SBSN: variants seen among roughly 807,000 people sequenced by gnomAD.
SBSN encodes the protein HLAR698.
Under a neutral mutation model 42.8 loss-of-function variants are expected in SBSN, and 33 were observed. The ratio of observed to expected loss-of-function variants is 0.77; its 90% CI spans 0.58 to 1.03. The LOEUF (loss-of-function observed/expected upper bound fraction) is 1.03, where lower values mean the gene tolerates loss of function less well. Among genes scored for constraint, SBSN ranks in the 50% least tolerant of loss-of-function variants. The probability of loss-of-function intolerance (pLI) is 0.00; values close to 1 mark genes in which losing one functional copy is unlikely to be tolerated. For synonymous variants in SBSN, 276 were observed against 307.0 expected (o/e 0.90, Z 1.06); for missense variants, 646 against 757.3 (o/e 0.85, Z 1.72).
In SBSN at chr19:35,523,397, T is replaced by C. The variant is rs1013070673; in HGVS notation, c.*113A>G. The C allele has an allele frequency of 2.2e-5, 23 of 1,046,038 alleles. No homozygotes were observed. Among genetic ancestry groups the C allele is most frequent in the Non-Finnish European group, 3.3e-5 (22 of 669,820 alleles). The allele number at this position is 1,046,038 out of a possible 1,614,324, so 64.8% of individuals were successfully genotyped here. A position where few individuals can be genotyped will look rare whatever the true frequency, so the allele number is the denominator to read the frequency against. ...TATCAAGTTTATTCACAAATCCCAG[T>C]ACAACCCCCTTCAGGGATTTCAGAA... On this transcript the variant is annotated 3_prime_UTR_variant, in exon 4 of 4. Transcript: ENST00000452271.
intron 1 of SBSN, among the ~76,000 whole-genome samples, chr19:35,525,481 G>C (rs573814990): frequency 1.6e-5 from 2 of 122,248 alleles, no homozygotes; most frequent in Non-Finnish European, 3.1e-5. Flanking sequence ...CCCTGGCTCT[G>C]TCTGGCGGCA....
chr19:35,526,641 T>G lies in SBSN; in HGVS notation c.1638+3A>C, dbSNP rs377199459. 1.2e-6 allele frequency: 1 copy of G among 869,462 alleles called. No individual in the cohort carries two copies. Among genetic ancestry groups the G allele is most frequent in the African/African-American group, 2.3e-5 (1 of 44,318 alleles). 53.9% of individuals were successfully genotyped at this position (869,462 alleles called of 1,614,324 possible). On this transcript the variant is annotated splice_donor_region_variant and intron_variant, in intron 1 of 3. Coordinates refer to ENST00000452271, the MANE Select transcript of SBSN (RefSeq NM_001166034.2). Reference sequence around the variant, plus strand: ...CCCCATCTCCCCATCCCTGTTCACCTACATTCAGCAGCTGGTTGGCCTCCT... The same window carrying G: ...CCCCATCTCCCCATCCCTGTTCACCGACATTCAGCAGCTGGTTGGCCTCCT...
rs200914471 is a variant in SBSN, at chr19:35,526,808, C to T, written c.1474G>A (p.Glu492Lys). Reference protein sequence around the residue: ...TGVHQAGKEAEKLGQGVNHAA... With the variant: ...TGVHQAGKEAKKLGQGVNHAA... ...TGGTTGACCCCTTGGCCAAGTTTCTCTGCTTCCTTCCCAGCCTGGTGGACC... is the reference window on the plus strand; with the variant it reads ...TGGTTGACCCCTTGGCCAAGTTTCTTTGCTTCCTTCCCAGCCTGGTGGACC... The change falls in exon 1 of 4, where the codon GAG (glutamate) becomes AAG (lysine). Residue 492 changes from glutamate to lysine, a missense_variant. Glu to Lys is a moderately conservative substitution (Grantham distance 56). This residue lies in a region of SBSN where 236 missense variants were observed against 225.6 expected (regional missense o/e 1.05). Coordinates refer to ENST00000452271, the MANE Select transcript of SBSN (RefSeq NM_001166034.2). 505 of 1,613,936 alleles carry T rather than the reference C, an allele frequency of 3.1e-4. 2 individuals are homozygous for T. Among genetic ancestry groups the T allele is most frequent in the South Asian group, 3.6e-4 (33 of 91,068 alleles).
intron 3 of SBSN, among the ~76,000 whole-genome samples, chr19:35,524,285 A>G (rs1006841229): frequency 6.6e-6 from 1 of 152,182 alleles, no homozygotes; most frequent in Admixed American, 6.5e-5. Flanking sequence ...CACCAGGGAG[A>G]GGACAAAGAC....
At chr19:35,524,016 C>A (rs1006357257) in intron 3 of SBSN, among the ~76,000 whole-genome samples, 2 of 152,196 alleles carry the variant, frequency 1.3e-5, no homozygotes, top group African/African-American at 4.8e-5. Flanking sequence ...CCTGTCTCTA[C>A]TAAAAATACA....
At chr19:35,526,619 C>CCA in intron 1 of SBSN, 25 bp downstream of exon 1, 1 of 1,520,180 alleles carries the variant, frequency 6.6e-7, no homozygotes, top group Non-Finnish European at 9.0e-7. Flanking sequence ...CCCTGTCCCC[C>CCA]ATCTCCCCAT....
In SBSN at chr19:35,523,530, C is replaced by T. The variant is rs116911531; in HGVS notation, c.1753G>A (p.Val585Ile). The T allele has an allele frequency of 1.7e-5, 27 of 1,614,104 alleles. No individual in the cohort carries two copies. The highest frequency in any genetic ancestry group is 1.3e-4 in the East Asian group (6 of 44,886). ...FINLPALWRS[V>I]ANIMP ...CCAGTTTAGGGCATGATGTTGGCGA[C>T]GCTCTGGAAGAGAGAAGGAGAGCAG... Residue 585 changes from valine (V) to isoleucine (I), a missense_variant, in exon 4 of 4, where the codon GTC (valine) becomes ATC (isoleucine). Val to Ile is a conservative substitution (Grantham distance 29). This residue lies in a region of SBSN where 236 missense variants were observed against 225.6 expected (regional missense o/e 1.05). Transcript: ENST00000452271.
At chr19:35,526,607 C>A (rs766723114) in intron 1 of SBSN, 37 bp downstream of exon 1, 6 of 1,139,994 alleles carry the variant, frequency 5.3e-6, no homozygotes, top group African/African-American at 1.5e-5. Flanking sequence ...CTCCCCCAAC[C>A]CCCCTGTCCC....
At chr19:35,526,538 A>G in intron 1 of SBSN, 106 bp downstream of exon 1, 1 of 1,075,130 alleles carries the variant, frequency 9.3e-7, no homozygotes, top group South Asian at 1.6e-5. Context: ...TTCTTTCACC[A>G]AACAAAGGCT....
rs766357053 is a variant in SBSN, at chr19:35,528,006, GTGGTTGAGCCCC to G, written c.264_275del (p.Gln88_Asn91del). On this transcript the variant is annotated inframe_deletion, in exon 1 of 4. Transcript: ENST00000452271. ...TCTCATGGGCAACCTTGTCCATGCC[GTGGTTGAGCCCC>G]TGGACGCCTTTGTCCAACTCCTTGC... 8 of 1,613,616 alleles carry G rather than the reference GTGGTTGAGCCCC, an allele frequency of 5.0e-6. No homozygotes were observed. The highest frequency in any genetic ancestry group is 1.7e-5 in the Admixed American group (1 of 59,976).
At chr19:35,526,607 CCCCCTGTCCCCCATCT>C in intron 1 of SBSN, 21 bp downstream of exon 1, 1 of 1,140,100 alleles carries the variant, frequency 8.8e-7, no homozygotes, top group Non-Finnish European at 1.2e-6. Flanking sequence ...CTCCCCCAAC[CCCCCTGTCCCCCATCT>C]CCCCATCCCT....
Position 35,527,123 on chromosome 19 carries a change from C to A in SBSN, c.1159G>T (p.Gly387Cys). Reference sequence around the variant, plus strand: ...GAGGCAGCATGGTGGACACCCTGGCCAAACTTCTCTGCTTCCTTCCAGGCC... The same window carrying A: ...GAGGCAGCATGGTGGACACCCTGGCAAAACTTCTCTGCTTCCTTCCAGGCC... The part of the protein sequence containing the change: ...NEAWKEAEKF[G>C]QGVHHAASQV... Residue 387 changes from glycine to cysteine, a missense_variant, in exon 1 of 4, where the codon GGC becomes TGC. This residue lies in a region of SBSN where 220 missense variants were observed against 334.5 expected (regional missense o/e 0.66). Transcript: ENST00000452271. The A allele has an allele frequency of 6.5e-7, 1 of 1,536,924 alleles. No individual in the cohort carries two copies. Among genetic ancestry groups the A allele is most frequent in the South Asian group, 1.2e-5 (1 of 83,944 alleles).
In SBSN at chr19:35,527,927, C is replaced by G; in HGVS notation, c.355G>C (p.Val119Leu). The G allele has an allele frequency of 6.2e-7, 1 of 1,614,138 alleles. No homozygotes were observed. The highest frequency in any genetic ancestry group is 8.5e-7 in the Non-Finnish European group (1 of 1,180,032). The stretch of plus-strand genomic sequence containing the variant: ...CCAACCTGTCCAGCAGCGTTGTTGA[C>G]CCCATGGCCAAGCTTCTCTGCTTCC... ...GKEAEKLGHG[V>L]NNAAGQVGKE... Residue 119 changes from valine (V) to leucine (L), a missense_variant, in exon 1 of 4, where the codon GTC (valine) becomes CTC (leucine). This residue lies in a region of SBSN where 190 missense variants were observed against 197.1 expected (regional missense o/e 0.96). Transcript: ENST00000452271.
chr19:35,524,655 G>A, intron 3 of SBSN, 56 bp downstream of exon 3: 1 of 1,589,078 alleles, frequency 6.3e-7, no homozygotes. Context: ...GAAGGGGTCG[G>A]GGTGAGCGTA....
chr19:35,524,648 G>A, intron 3 of SBSN, 63 bp downstream of exon 3: 1 of 1,573,358 alleles, frequency 6.4e-7, no homozygotes, highest in Non-Finnish European at 8.7e-7. Flanking sequence ...ACACCGGGAA[G>A]GGGTCGGGGT....
At chr19:35,523,632 G>A in intron 3 of SBSN, 99 bp from the exon 4 acceptor site, 1 of 1,168,558 alleles carries the variant, frequency 8.6e-7, no homozygotes, top group Non-Finnish European at 1.3e-6. Flanking sequence ...CAAGGGGACT[G>A]GCTGCTCTGG....
chr19:35,525,366 G>C (rs1438600756), intron 1 of SBSN, among the ~76,000 whole-genome samples: 1 of 152,138 alleles, frequency 6.6e-6, no homozygotes, highest in East Asian at 1.9e-4. Flanking sequence ...AACCCCGGCT[G>C]CTGTTGCCAG....
At chr19:35,524,025 C>T (rs1170975950) in intron 3 of SBSN, among the ~76,000 whole-genome samples, 1 of 152,162 alleles carries the variant, frequency 6.6e-6, no homozygotes. Context: ...ACTAAAAATA[C>T]AAAAATTAGC....
In SBSN at chr19:35,524,175, G is replaced by A. The variant is rs192598140; in HGVS notation, c.1749+536C>T. Among the ~76,000 whole-genome samples the A allele has an allele frequency of 4.6e-3, 700 of 152,304 alleles. 8 individuals carry two copies. Among genetic ancestry groups the A allele is most frequent in the African/African-American group, 0.015 (641 of 41,564 alleles). ...AGCCTGGGAGATAGAGTGAGACTCCGTCTCAATAAATTAAAATAAAGAAAG... is the reference window on the plus strand; with the variant it reads ...AGCCTGGGAGATAGAGTGAGACTCCATCTCAATAAATTAAAATAAAGAAAG... On this transcript the variant is annotated intron_variant, in intron 3 of 3. Coordinates refer to ENST00000452271, the MANE Select transcript of SBSN (RefSeq NM_001166034.2).
Sources: allele counts gnomAD v4.1 joint callset (sites outside exome capture counted in the v4.1 genomes callset), GRCh38; gene constraint gnomAD v4.1.1; regional missense constraint gnomAD v4.1.1; transcripts MANE v1.5; gene names NCBI Gene and HGNC (gene_info 2026-07-23, HGNC 2026-07-21).